Variants in CREB1 observed in about 807,000 individuals in gnomAD.
The protein encoded by CREB1 is cAMP responsive element binding protein 1, also known as cyclic AMP-responsive element-binding protein 1.
Under a neutral mutation model 42.0 loss-of-function variants are expected in CREB1, and 2 were observed. The observed-to-expected ratio is 0.05, with a 90% CI of 0.02 to 0.15. The LOEUF (loss-of-function observed/expected upper bound fraction) is 0.15, where lower values mean the gene tolerates loss of function less well. Among genes scored for constraint, CREB1 ranks in the 10% least tolerant of loss-of-function variants. The pLI, the probability that CREB1 is intolerant of heterozygous loss-of-function variation, is 1.00. For synonymous variants in CREB1, 123 were observed against 139.9 expected (o/e 0.88, Z 0.85); for missense variants, 199 against 388.9 (o/e 0.51, Z 4.11).
At chr2:207,576,726 C>CTAAACCATACATATAAATCT in intron 6 of CREB1, 5 of 1,184,204 alleles carry the variant, frequency 4.2e-6, no homozygotes, top group Non-Finnish European at 5.4e-6. Context: ...CTTTTCCACT[C>CTAAACCATACATATAAATCT]AAACCATACA....
At chr2:207,552,501 T>C (rs943761805) in intron 1 of CREB1, among the ~76,000 whole-genome samples, 3 of 126,282 alleles carry the variant, frequency 2.4e-5, no homozygotes, top group Non-Finnish European at 5.2e-5. Context: ...AAAATGGTTG[T>C]GTATACCCTG....
intron 7 of CREB1, among the ~76,000 whole-genome samples, chr2:207,592,542 C>T (rs761430689): frequency 6.6e-6 from 1 of 152,124 alleles, no homozygotes; most frequent in Non-Finnish European, 1.5e-5. Context: ...TAGGGATTTT[C>T]CCTCTCTTCC....
chr2:207,571,824 A>G (rs2106552287), intron 5 of CREB1: 1 of 429,988 alleles, frequency 2.3e-6, no homozygotes, highest in Admixed American at 2.6e-5. Flanking sequence ...TCTTTAGGAA[A>G]GAGGCCTATC....
chr2:207,572,139 T>TGG, intron 5 of CREB1, among the ~76,000 whole-genome samples: 1 of 151,424 alleles, frequency 6.6e-6, no homozygotes, highest in East Asian at 1.9e-4. Context: ...GACAGGAGAA[T>TGG]TGCTTGAACC....
intron 7 of CREB1, among the ~76,000 whole-genome samples, chr2:207,588,737 T>TG (rs199576312): frequency 0.054 from 8,054 of 148,512 alleles, 282 homozygotes; most frequent in Non-Finnish European, 0.073. Context: ...GGTTTTTTTT[T>TG]TTTTTGTGTG....
chr2:207,533,298 C>T (rs910040287), intron 1 of CREB1, among the ~76,000 whole-genome samples: 1 of 151,992 alleles, frequency 6.6e-6, no homozygotes, highest in Non-Finnish European at 1.5e-5. Flanking sequence ...TTCTGAAACT[C>T]ATATTCTTGA....
At chr2:207,573,473 C>T (rs952350997) in intron 5 of CREB1, among the ~76,000 whole-genome samples, 10 of 152,216 alleles carry the variant, frequency 6.6e-5, no homozygotes, top group African/African-American at 2.4e-4. Context: ...CAGTGGCTCA[C>T]GTCTGTGATC....
intron 1 of CREB1, among the ~76,000 whole-genome samples, chr2:207,547,496 T>TC (rs2081341602): frequency 6.6e-6 from 1 of 152,192 alleles, no homozygotes; most frequent in Non-Finnish European, 1.5e-5. Context: ...ATCCTTTTTT[T>TC]CTTAAAAAAA....
Position 207,532,171 on chromosome 2 carries a change from A to G in CREB1, c.-9+2037A>G, listed in dbSNP as rs543887915. 3.8e-4 allele frequency among the ~76,000 whole-genome samples: 58 copies of G among 151,954 alleles called. 1 individual carries two copies. Among genetic ancestry groups the G allele is most frequent in the Non-Finnish European group, 6.3e-4 (43 of 67,964 alleles). ...GGAGTGCAAGACCAGCCTGGCCAAC[A>G]TGATGAAACCCCATCTCTACTAAAA... On this transcript the variant is annotated intron_variant, in intron 1 of 7. Transcript: ENST00000353267.
rs148710474 is a variant in CREB1 at position 207,568,953 on chromosome 2, A to G, written c.363-1226A>G. Among the ~76,000 whole-genome samples, 24 of 151,846 alleles carry G rather than the reference A, an allele frequency of 1.6e-4. No individual in the cohort carries two copies. The East Asian group carries it at 3.9e-3, about 24-fold the overall frequency. ...CTTCTGTCGTTTTCATTTCTTTCCT[A>G]CCCATCCCCAGTAAATAGCTAAAAC... On this transcript the variant is annotated intron_variant, in intron 4 of 7. Coordinates refer to ENST00000353267, the MANE Select transcript of CREB1 (RefSeq NM_004379.5).
intron 3 of CREB1, chr2:207,561,086 C>A: frequency 6.2e-7 from 1 of 1,606,462 alleles, no homozygotes; most frequent in South Asian, 1.1e-5. Flanking sequence ...GGCCATAACC[C>A]CAGCCTCCCA....
chr2:207,591,606 T>C (rs1559074616), intron 7 of CREB1, among the ~76,000 whole-genome samples: 4 of 152,178 alleles, frequency 2.6e-5, no homozygotes, highest in African/African-American at 9.7e-5. Context: ...CTAATTTTTG[T>C]ATTTTTAGTA....
chr2:207,556,717 C>A (rs1391089603), intron 2 of CREB1, among the ~76,000 whole-genome samples: 1 of 152,202 alleles, frequency 6.6e-6, no homozygotes, highest in South Asian at 2.1e-4. Flanking sequence ...AAGCCAAATA[C>A]ATCTAATGTA....
Position 207,601,333 on chromosome 2 carries a change from T to C in CREB1, c.*4275T>C. On this transcript the variant is annotated 3_prime_UTR_variant, in exon 8 of 8. Transcript: ENST00000353267. ...TCAAGTAATTCTCAACTTTTTAGTC[T>C]TTCTCCTCTCTTCAAATCATGTGAC... is the stretch of plus-strand genomic sequence containing the variant. 1 of 186,272 alleles carries C rather than the reference T, an allele frequency of 5.4e-6. No individual in the cohort carries two copies. Among genetic ancestry groups the C allele is most frequent in the East Asian group, 8.7e-5 (1 of 11,520 alleles). 11.5% of individuals were successfully genotyped at this position (186,272 alleles called of 1,614,324 possible).
In CREB1 at chr2:207,573,878, C is replaced by T. The variant is rs191393192; in HGVS notation, c.506-1394C>T. Among the ~76,000 whole-genome samples the T allele has an allele frequency of 8.9e-3, 1,362 of 152,316 alleles. 51 individuals carry two copies. The highest frequency in any genetic ancestry group is 0.062 in the Admixed American group (955 of 15,302). On this transcript the variant is annotated intron_variant, in intron 5 of 7. Transcript: ENST00000353267. ...CAAGAAGAAAGTGGTATGTTAAATA[C>T]AGTAGGATTCACTCATTAACTCTAA...
chr2:207,576,563 C>T lies in CREB1; in HGVS notation c.689-942C>T, dbSNP rs765896335. On this transcript the variant is annotated intron_variant, in intron 6 of 7. Transcript: ENST00000353267. ...TTACAGAATATATTCTGTTATTAAA[C>T]GAGTATTTGAAAAAGATACTATTTT... is the stretch of plus-strand genomic sequence containing the variant. 4.6e-5 allele frequency: 25 copies of T among 543,680 alleles called. 1 individual carries two copies. Among genetic ancestry groups the T allele is most frequent in the Admixed American group, 1.0e-4 (4 of 38,178 alleles). The allele number at this position is 543,680 out of a possible 1,614,324, so 33.7% of individuals were successfully genotyped here.
chr2:207,531,046 A>G (rs2080599629), intron 1 of CREB1, among the ~76,000 whole-genome samples: 1 of 151,792 alleles, frequency 6.6e-6, no homozygotes, highest in Non-Finnish European at 1.5e-5. Context: ...AACATTTATA[A>G]TAACTTTTTA....
At position 207,598,585 on chromosome 2, in the gene CREB1, G is replaced by A. The variant is rs941349298; in HGVS notation, c.*1527G>A. On this transcript the variant is annotated 3_prime_UTR_variant, in exon 8 of 8. Coordinates refer to ENST00000353267, the MANE Select transcript of CREB1 (RefSeq NM_004379.5). ...TTTGGAGCCGGGCGCAGTGGCTCACGCCTGTAATCCCAGCACTTTGGGAGG... is the reference window on the plus strand; with the variant it reads ...TTTGGAGCCGGGCGCAGTGGCTCACACCTGTAATCCCAGCACTTTGGGAGG... 1 of 174,416 alleles carries A rather than the reference G, an allele frequency of 5.7e-6. No homozygotes were observed. The highest frequency in any genetic ancestry group is 1.0e-4 in the East Asian group (1 of 9,972). 10.8% of individuals were successfully genotyped at this position (174,416 alleles called of 1,614,324 possible).
chr2:207,576,493 A>C lies in CREB1; in HGVS notation c.689-1012A>C, dbSNP rs1043715444. On this transcript the variant is annotated intron_variant, in intron 6 of 7. Transcript: ENST00000353267. Reference sequence around the variant, plus strand: ...CCATGGATAATTGAATAATCCTGAAACACCAACTGGAGAGAGTCATAACTT... The same window carrying C: ...CCATGGATAATTGAATAATCCTGAACCACCAACTGGAGAGAGTCATAACTT... The C allele has an allele frequency of 6.6e-5, 14 of 212,700 alleles. No homozygotes were observed. The East Asian group carries it at 1.6e-3, about 25-fold the overall frequency. 13.2% of individuals were successfully genotyped at this position (212,700 alleles called of 1,614,324 possible).
Sources: gnomAD v4.1 joint callset for allele counts (sites outside exome capture counted in the v4.1 genomes callset) on GRCh38, gnomAD v4.1.1 for gene constraint, MANE v1.5 for transcripts, NCBI Gene and HGNC (gene_info 2026-07-23, HGNC 2026-07-21) for gene names.